The following CFAP52 variants were observed in gnomAD, a reference collection of about 807,000 sequenced individuals.
CFAP52 encodes the protein cilia- and flagella-associated protein 52.
In CFAP52, 57 loss-of-function variants were observed where a neutral mutation model predicts 70.5. The observed-to-expected ratio is 0.81, with a 90% CI of 0.65 to 1.01. The LOEUF (loss-of-function observed/expected upper bound fraction) is 1.01. CFAP52 is among the 50% of genes least tolerant of loss of function. The pLI is 0.00. For missense variants in CFAP52, 785 were observed against 788.5 expected (o/e 1.00, Z 0.05); for synonymous variants, 267 against 292.5 (o/e 0.91, Z 0.89).
chr17:9,641,354 G>A (rs978873232), intron 12 of CFAP52, among the ~76,000 whole-genome samples: 4 of 152,140 alleles, frequency 2.6e-5, no homozygotes, highest in African/African-American at 9.7e-5. Flanking sequence ...TCATCCCCCA[G>A]TGAGAAGGAA....
chr17:9,584,762 C>T (rs1260676788), intron 1 of CFAP52, among the ~76,000 whole-genome samples: 1 of 152,018 alleles, frequency 6.6e-6, no homozygotes, highest in Non-Finnish European at 1.5e-5. Context: ...GCTGGGATTA[C>T]AGGTGCCCAC....
chr17:9,595,618 TTTC>T (rs1418688296), intron 4 of CFAP52, among the ~76,000 whole-genome samples: 3 of 152,154 alleles, frequency 2.0e-5, no homozygotes, highest in Non-Finnish European at 4.4e-5. Flanking sequence ...ATGAGCAACA[TTTC>T]TTCAGGACTC....
chr17:9,597,970 TGTGCACTTCAGA>T (rs1002147143), intron 4 of CFAP52, among the ~76,000 whole-genome samples: 33 of 152,290 alleles, frequency 2.2e-4, no homozygotes, highest in African/African-American at 7.5e-4. Flanking sequence ...GAGTGGGTAG[TGTGCACTTCAGA>T]GTGAGACGGA....
chr17:9,612,417 T>C lies in CFAP52; in HGVS notation c.963T>C (p.Asp321=). 6.2e-7 allele frequency: 1 copy of C among 1,614,240 alleles called. No homozygotes were observed. ...ESHIYRVSFT[D]FKETLIATCH... is the part of the protein sequence containing the mutation. The stretch of plus-strand genomic sequence containing the variant: ...ACATTTATCGTGTCAGCTTCACGGA[T>C]TTCAAAGAGACGCTCATAGCGACTT... The change falls in exon 8 of 14, where the codon GAT becomes GAC. Residue 321 remains aspartate, a synonymous_variant. Coordinates refer to ENST00000352665, the MANE Select transcript of CFAP52 (RefSeq NM_145054.5).
rs559057328 is a variant in CFAP52, at chr17:9,588,645, A to C, written c.407+1811A>C. Among the ~76,000 whole-genome samples the C allele has an allele frequency of 5.3e-5, 8 of 152,258 alleles. No homozygotes were observed. The East Asian group carries it at 1.5e-3, about 29-fold the overall frequency. ...GCATCCATATCTTGTTTCAGGTCTT[A>C]GTGGAAAGGCTTTCAATTTCACCCC... On this transcript the variant is annotated intron_variant, in intron 3 of 13. Coordinates refer to ENST00000352665, the MANE Select transcript of CFAP52 (RefSeq NM_145054.5).
chr17:9,596,059 G>GTATATA (rs796314327), intron 4 of CFAP52, among the ~76,000 whole-genome samples: 19 of 85,198 alleles, frequency 2.2e-4, no homozygotes, highest in African/African-American at 6.2e-4. Flanking sequence ...ATATGTGTGT[G>GTATATA]TATATATATA....
At chr17:9,640,529 G>A (rs1911005993) in intron 12 of CFAP52, among the ~76,000 whole-genome samples, 1 of 152,052 alleles carries the variant, frequency 6.6e-6, no homozygotes, top group African/African-American at 2.4e-5. Flanking sequence ...GTTTGCTGAG[G>A]ATAATGGCTC....
Position 9,598,306 on chromosome 17 carries a change from G to C in CFAP52, c.609G>C (p.Gln203His). Residue 203 changes from glutamine to histidine, a missense_variant, in exon 5 of 14, where the codon CAG (glutamine) becomes CAC (histidine). By Grantham distance (24) the Gln-to-His change is conservative (BLOSUM62 0). Transcript: ENST00000352665. ...GGCCAACTGAGTGCCAAACAGGACA[G>C]TTGAAAAGAATAGTCATGAGTATTG... ...KIWPTECQTG[Q>H]LKRIVMSIGV... 1 of 1,613,282 alleles carries C rather than the reference G, an allele frequency of 6.2e-7. No homozygotes were observed. The highest frequency in any genetic ancestry group is 8.5e-7 in the Non-Finnish European group (1 of 1,179,832).
At chr17:9,631,028 A>AAGAAAGAGAGAGAGAGAG (rs1555544250) in intron 9 of CFAP52, among the ~76,000 whole-genome samples, 4 of 44,732 alleles carry the variant, frequency 8.9e-5, no homozygotes, top group East Asian at 2.1e-3. Flanking sequence ...GAAAGAAAGA[A>AAGAAAGAGAGAGAGAGAG]AGAGAGAGAG....
At chr17:9,593,751 C>T (rs1318941017) in intron 3 of CFAP52, among the ~76,000 whole-genome samples, 1 of 152,106 alleles carries the variant, frequency 6.6e-6, no homozygotes, top group African/African-American at 2.4e-5. Context: ...CCATCGCTCC[C>T]AGCCAACATT....
Position 9,635,557 on chromosome 17 carries a change from G to A in CFAP52, c.1472+1G>A, listed in dbSNP as rs1910738425. 7 of 1,614,062 alleles carry A rather than the reference G, an allele frequency of 4.3e-6. No homozygotes were observed. The East Asian group carries it at 8.9e-5, about 21-fold the overall frequency. On this transcript the variant is annotated splice_donor_variant, in intron 11 of 13. Coordinates refer to ENST00000352665, the MANE Select transcript of CFAP52 (RefSeq NM_145054.5). LOFTEE classifies it high-confidence loss of function. ...GGACTTGTATCATTTGGGACCTTGT[G>A]TAGGTACCTGTGATGGGGAGGATGC...
At position 9,638,578 on chromosome 17, in the gene CFAP52, G is replaced by A. The variant is rs1208619848; in HGVS notation, c.1473-31G>A. 4 of 1,603,194 alleles carry A rather than the reference G, an allele frequency of 2.5e-6. No homozygotes were observed. The Admixed American group carries it at 5.0e-5, about 20-fold the overall frequency. ...TAAATTTCCTAGGGAAGAGAAAGTC[G>A]ACTTTCACAGCTTTTGAATCTACTT... On this transcript the variant is annotated intron_variant, in intron 11 of 13. Coordinates refer to ENST00000352665, the MANE Select transcript of CFAP52 (RefSeq NM_145054.5).
intron 4 of CFAP52, among the ~76,000 whole-genome samples, chr17:9,597,821 GAGAGAGAGAAAGAGAGAA>G (rs1403336027): frequency 6.3e-4 from 95 of 151,210 alleles, no homozygotes; most frequent in African/African-American, 2.1e-3. Flanking sequence ...GAGAGAGAGA[GAGAGAGAGAAAGAGAGAA>G]AGAGAGAGAG....
At chr17:9,582,474 A>G (rs1908268083) in intron 1 of CFAP52, among the ~76,000 whole-genome samples, 1 of 152,138 alleles carries the variant, frequency 6.6e-6, no homozygotes, top group Admixed American at 6.5e-5. Context: ...GGCTATCCAT[A>G]TCCTTTGCTC....
downstream of CFAP52, among the ~76,000 whole-genome samples, chr17:9,643,790 GTGTGGT>G (rs1567640167): frequency 6.6e-6 from 1 of 152,230 alleles, no homozygotes; most frequent in Non-Finnish European, 1.5e-5. Flanking sequence ...CAAAGAAAAT[GTGTGGT>G]GTTGGGGATC....
At chr17:9,590,385 G>T in intron 3 of CFAP52, 1 of 199,780 alleles carries the variant, frequency 5.0e-6, no homozygotes, top group East Asian at 1.2e-4. Flanking sequence ...GGTGGCCTTG[G>T]CAATTTCACT....
In CFAP52 at chr17:9,600,083, G is replaced by A. The variant is rs1909198448; in HGVS notation, c.653G>A (p.Ser218Asn). ...CTTCTTCAGGTGGATGATGATGATA[G>A]CTTTTTCTACCTTGGCACCACGACT... is the stretch of plus-strand genomic sequence containing the variant. Reference protein sequence around the residue: ...VMSIGVDDDDSFFYLGTTTGD... With the variant: ...VMSIGVDDDDNFFYLGTTTGD... Residue 218 changes from serine (S) to asparagine (N), a missense_variant, in exon 6 of 14, where the codon AGC becomes AAC. Coordinates refer to ENST00000352665, the MANE Select transcript of CFAP52 (RefSeq NM_145054.5). The A allele has an allele frequency of 6.2e-7, 1 of 1,613,512 alleles. No individual in the cohort carries two copies. Among genetic ancestry groups the A allele is most frequent in the African/African-American group, 1.3e-5 (1 of 74,948 alleles).
At chr17:9,634,541 C>T (rs1035922797) in intron 10 of CFAP52, among the ~76,000 whole-genome samples, 1 of 150,508 alleles carries the variant, frequency 6.6e-6, no homozygotes, top group Admixed American at 6.6e-5. Flanking sequence ...GCCGAGACCA[C>T]GCCATTGCAT....
chr17:9,606,810 T>C (rs1015245251), intron 6 of CFAP52, among the ~76,000 whole-genome samples: 7 of 152,208 alleles, frequency 4.6e-5, no homozygotes, highest in African/African-American at 1.4e-4. Context: ...CATCCTGTTG[T>C]CCTGCTGAGG....
Sources: gnomAD v4.1 joint callset for allele counts (sites outside exome capture counted in the v4.1 genomes callset) on GRCh38, gnomAD v4.1.1 for gene constraint, MANE v1.5 for transcripts, NCBI Gene and HGNC (gene_info 2026-07-23, HGNC 2026-07-21) for gene names.